PM20D2: variants seen among roughly 807,000 people sequenced by gnomAD.
The protein encoded by PM20D2 is peptidase M20 domain containing 2, also known as xaa-Arg dipeptidase.
Under a neutral mutation model 42.9 loss-of-function variants are expected in PM20D2, and 33 were observed. That is an observed-to-expected ratio of 0.77 (90% CI 0.58 to 1.03). The LOEUF (loss-of-function observed/expected upper bound fraction) is 1.03, where lower values mean the gene tolerates loss of function less well. PM20D2 is among the 50% of genes least tolerant of loss of function. PM20D2 has a pLI of 0.00. For synonymous variants in PM20D2, 250 were observed against 228.2 expected (o/e 1.10, Z -0.86); for missense variants, 548 against 557.0 (o/e 0.98, Z 0.16).
chr6:89,114,277 A>G, the PM20D2 span, among the ~76,000 whole-genome samples: 1 of 152,106 alleles, frequency 6.6e-6, no homozygotes, highest in Admixed American at 6.5e-5. Flanking sequence ...AAAATACAAA[A>G]ATTAGCCAGG....
In PM20D2 at chr6:89,161,878, A is replaced by G. The variant is rs1771250982; in HGVS notation, c.1144A>G (p.Thr382Ala). 24 of 1,609,388 alleles carry G rather than the reference A, an allele frequency of 1.5e-5. No individual in the cohort carries two copies. The highest frequency in any genetic ancestry group is 1.8e-5 in the Non-Finnish European group (21 of 1,175,730). Reference sequence around the variant, plus strand: ...TGCCTTGAATCATACTGAACAGTACACTGAAGCTGCTGGTAAGTGTTGTTG... The same window carrying G: ...TGCCTTGAATCATACTGAACAGTACGCTGAAGCTGCTGGTAAGTGTTGTTG... ...SNALNHTEQY[T>A]EAAGSQEAQF... Residue 382 changes from threonine to alanine, a missense_variant, in exon 6 of 7, where the codon ACT becomes GCT. By Grantham distance (58) the Thr-to-Ala change is moderately conservative. This residue lies in a region of PM20D2 where 71 missense variants were observed against 69.7 expected (regional missense o/e 1.02). Coordinates refer to ENST00000275072, the MANE Select transcript of PM20D2 (RefSeq NM_001010853.3).
chr6:89,110,758 T>C, the PM20D2 span, among the ~76,000 whole-genome samples: 109,161 of 151,956 alleles, frequency 0.72, 39,306 homozygotes, highest in East Asian at 0.84. Flanking sequence ...ATGCCTACCT[T>C]AGCTTCACTA....
the PM20D2 span, among the ~76,000 whole-genome samples, chr6:89,132,049 AT>A: frequency 2.0e-5 from 3 of 152,314 alleles, no homozygotes; most frequent in East Asian, 5.8e-4. Flanking sequence ...AGAGAAAGTA[AT>A]CAAAAGTACT....
the PM20D2 span, among the ~76,000 whole-genome samples, chr6:89,119,829 T>C: frequency 6.6e-6 from 1 of 152,236 alleles, no homozygotes; most frequent in African/African-American, 2.4e-5. Flanking sequence ...CTCTCTCTTT[T>C]TATTTTAGAT....
the PM20D2 span, chr6:89,118,202 T>A: frequency 2.6e-5 from 4 of 151,656 alleles, no homozygotes; most frequent in Non-Finnish European, 4.4e-5. Flanking sequence ...GCGACGGGAT[T>A]TGGGGAGGGG....
the PM20D2 span, among the ~76,000 whole-genome samples, chr6:89,111,527 T>C: frequency 6.6e-6 from 1 of 152,194 alleles, no homozygotes; most frequent in African/African-American, 2.4e-5. Flanking sequence ...ACTAAACTTA[T>C]TAGTTCTAGC....
the PM20D2 span, chr6:89,097,570 T>A: frequency 1.3e-5 from 2 of 151,854 alleles, no homozygotes; most frequent in Non-Finnish European, 2.9e-5. Flanking sequence ...CCCAGGCTGG[T>A]CTCAATCTCC....
At chr6:89,161,000 C>T (rs368045729) in intron 5 of PM20D2, among the ~76,000 whole-genome samples, 2 of 151,650 alleles carry the variant, frequency 1.3e-5, no homozygotes, top group African/African-American at 4.8e-5. Context: ...AAAAAAAAGA[C>T]GGCAAATAGA....
At chr6:89,138,725 TGTA>T in the PM20D2 span, among the ~76,000 whole-genome samples, 1 of 151,990 alleles carries the variant, frequency 6.6e-6, no homozygotes, top group Non-Finnish European at 1.5e-5. Flanking sequence ...ATTAGATGGG[TGTA>T]GTGGTGCACT....
chr6:89,141,448 C>T (rs1386670662), upstream of PM20D2, among the ~76,000 whole-genome samples: 1 of 152,034 alleles, frequency 6.6e-6, no homozygotes, highest in Non-Finnish European at 1.5e-5. Flanking sequence ...TCACTGCAAC[C>T]TCCACCTCCC....
upstream of PM20D2, among the ~76,000 whole-genome samples, chr6:89,143,004 C>T (rs1770389882): frequency 6.6e-6 from 1 of 152,210 alleles, no homozygotes; most frequent in East Asian, 1.9e-4. Context: ...TGAAATCCTG[C>T]ACTGAAGCTC....
chr6:89,104,695 C>G, the PM20D2 span, among the ~76,000 whole-genome samples: 4 of 151,912 alleles, frequency 2.6e-5, no homozygotes, highest in Non-Finnish European at 5.9e-5. Context: ...TATCTTTTAA[C>G]AAAAATTGAT....
chr6:89,146,072 C>A lies in PM20D2; in HGVS notation c.-73C>A, dbSNP rs1464376854. On this transcript the variant is annotated 5_prime_UTR_variant, in exon 1 of 7. Coordinates refer to ENST00000275072, the MANE Select transcript of PM20D2 (RefSeq NM_001010853.3). ...CCGGGGTCCTGGAGGCCTCTGGGCG[C>A]GTGCGCGGGCGGTCGCTACCTGCGG... The A allele has an allele frequency of 1.5e-6, 2 of 1,293,210 alleles. No homozygotes were observed. Among genetic ancestry groups the A allele is most frequent in the East Asian group, 3.1e-5 (1 of 32,194 alleles). The allele number at this position is 1,293,210 out of a possible 1,614,324, so 80.1% of individuals were successfully genotyped here.
chr6:89,123,750 A>G, the PM20D2 span, among the ~76,000 whole-genome samples: 1 of 150,206 alleles, frequency 6.7e-6, no homozygotes, highest in Non-Finnish European at 1.5e-5. Context: ...GTTTATAGAC[A>G]GAAGGAGAGC....
the PM20D2 span, among the ~76,000 whole-genome samples, chr6:89,125,375 G>A: frequency 6.6e-6 from 1 of 152,046 alleles, no homozygotes; most frequent in Admixed American, 6.5e-5. Context: ...AGCTACTCAG[G>A]AGACTGAGGC....
rs758970096 is a variant in PM20D2, at chr6:89,154,849, A to T, written c.859A>T (p.Thr287Ser). The change falls in exon 4 of 7, where the codon ACC (threonine) becomes TCC (serine). Residue 287 changes from threonine (T) to serine (S), a missense_variant. Coordinates refer to ENST00000275072, the MANE Select transcript of PM20D2 (RefSeq NM_001010853.3). ...APSMKELQVL[T>S]KKAEDCFRAA... Reference sequence around the variant, plus strand: ...CTCAATGAAAGAACTTCAAGTTTTGACCAAAAAGGCAGAAGATTGCTTCAG... The same window carrying T: ...CTCAATGAAAGAACTTCAAGTTTTGTCCAAAAAGGCAGAAGATTGCTTCAG... 4 of 1,609,426 alleles carry T rather than the reference A, an allele frequency of 2.5e-6. No homozygotes were observed. In the African/African-American group the frequency reaches 4.0e-5, roughly 16 times the overall value.
the PM20D2 span, among the ~76,000 whole-genome samples, chr6:89,117,262 T>C: frequency 6.6e-6 from 1 of 152,226 alleles, no homozygotes; most frequent in African/African-American, 2.4e-5. Flanking sequence ...AGTTATTTTT[T>C]GTATGCAGAA....
intron 1 of PM20D2, 73 bp downstream of exon 1, chr6:89,146,682 T>C (rs1187408277): frequency 3.3e-6 from 4 of 1,221,860 alleles, no homozygotes; most frequent in Admixed American, 7.9e-5. Flanking sequence ...GGCGGGACTC[T>C]CGTGCGTCCC....
chr6:89,152,998 A>C, intron 2 of PM20D2, 45 bp from the exon 3 acceptor site: 1 of 1,475,396 alleles, frequency 6.8e-7, no homozygotes, highest in Non-Finnish European at 9.2e-7. Flanking sequence ...TTCTTACTTT[A>C]GCAATAATAA....
Sources: gnomAD v4.1 joint callset for allele counts (sites outside exome capture counted in the v4.1 genomes callset) on GRCh38, gnomAD v4.1.1 for gene constraint, gnomAD v4.1.1 regional missense constraint, MANE v1.5 for transcripts, NCBI Gene and HGNC (gene_info 2026-07-23, HGNC 2026-07-21) for gene names.